The following OOSP3 variants were observed in gnomAD, a reference collection of about 807,000 sequenced individuals.
OOSP3 encodes the protein oocyte-secreted protein 3.
At chr11:59,883,071 C>T (rs1017415521) in intron 2 of OOSP3, among the ~76,000 whole-genome samples, 1 of 152,080 alleles carries the variant, frequency 6.6e-6, no homozygotes, top group African/African-American at 2.4e-5. Flanking sequence ...ATACCTAGGA[C>T]TGAAATTTCT....
intron 2 of OOSP3, among the ~76,000 whole-genome samples, chr11:59,886,040 T>C (rs1324238258): frequency 6.6e-6 from 1 of 152,132 alleles, no homozygotes. Flanking sequence ...CCTAATGCTC[T>C]ACTCCCCCAC....
At chr11:59,889,414 A>G (rs1022087507) in intron 2 of OOSP3, among the ~76,000 whole-genome samples, 3 of 151,966 alleles carry the variant, frequency 2.0e-5, no homozygotes, top group Admixed American at 2.0e-4. Flanking sequence ...AAATCTTTTC[A>G]GCTTTTTGAT....
chr11:59,879,937 C>A (rs981508048), intron 1 of OOSP3, among the ~76,000 whole-genome samples: 1 of 152,186 alleles, frequency 6.6e-6, no homozygotes, highest in Non-Finnish European at 1.5e-5. Flanking sequence ...GCCAGCACAC[C>A]AGCTTGAGGC....
intron 2 of OOSP3, among the ~76,000 whole-genome samples, chr11:59,881,271 A>AG: frequency 6.6e-6 from 1 of 151,962 alleles, no homozygotes; most frequent in East Asian, 1.9e-4. Flanking sequence ...AGGCTGAGGC[A>AG]GGAGAATTGC....
At chr11:59,884,967 G>C (rs1853239336) in intron 2 of OOSP3, among the ~76,000 whole-genome samples, 1 of 152,194 alleles carries the variant, frequency 6.6e-6, no homozygotes, top group South Asian at 2.1e-4. Flanking sequence ...TAAGGGAAAA[G>C]CTTTCAGTCT....
Position 59,894,566 on chromosome 11 carries a change from G to A in OOSP3, c.350+390G>A, listed in dbSNP as rs111543281. Among the ~76,000 whole-genome samples, 828 of 152,274 alleles carry A rather than the reference G, an allele frequency of 5.4e-3. 6 individuals are homozygous for A. Among genetic ancestry groups the A allele is most frequent in the African/African-American group, 0.018 (742 of 41,552 alleles). ...GATTTGACTTTGGAGCTCACTTGAGGGTCCTACTGAGGCTAGGACTCTGCC... is the reference window on the plus strand; with the variant it reads ...GATTTGACTTTGGAGCTCACTTGAGAGTCCTACTGAGGCTAGGACTCTGCC... On this transcript the variant is annotated intron_variant, in intron 3 of 4. Coordinates refer to ENST00000646438, the Ensembl canonical transcript of OOSP3.
chr11:59,880,154 C>T (rs1337663051), intron 1 of OOSP3, 107 bp from the exon 2 acceptor site: 3 of 395,924 alleles, frequency 7.6e-6, no homozygotes, highest in African/African-American at 4.1e-5. Context: ...GGCTGTTTTA[C>T]AGTGGTGTAT....
intron 2 of OOSP3, among the ~76,000 whole-genome samples, chr11:59,887,113 T>G (rs565485399): frequency 6.6e-6 from 1 of 151,838 alleles, no homozygotes; most frequent in Non-Finnish European, 1.5e-5. Context: ...TTTAATGGTT[T>G]TTTTTTTGTT....
chr11:59,892,417 T>C (rs1306183164), intron 2 of OOSP3, among the ~76,000 whole-genome samples: 2 of 152,114 alleles, frequency 1.3e-5, no homozygotes. Context: ...TCACTCCCCA[T>C]TTATTTCCAT....
intron 2 of OOSP3, among the ~76,000 whole-genome samples, chr11:59,887,813 GT>G (rs1053501680): frequency 5.9e-5 from 9 of 151,502 alleles, no homozygotes; most frequent in South Asian, 2.1e-4. Context: ...TTTTAAAATA[GT>G]TTTTTTTTCT....
chr11:59,895,145 A>C (rs1039446880), intron 3 of OOSP3, among the ~76,000 whole-genome samples: 1 of 152,104 alleles, frequency 6.6e-6, no homozygotes, highest in Non-Finnish European at 1.5e-5. Flanking sequence ...AATGCTGTTA[A>C]CCTTTTAGTA....
chr11:59,885,831 A>G (rs1472938468), intron 2 of OOSP3, among the ~76,000 whole-genome samples: 1 of 152,172 alleles, frequency 6.6e-6, no homozygotes, highest in Non-Finnish European at 1.5e-5. Context: ...ACATCATAGA[A>G]TGAGTTGAAT....
chr11:59,879,975 A>C (rs867899864), intron 1 of OOSP3, among the ~76,000 whole-genome samples: 6 of 152,218 alleles, frequency 3.9e-5, no homozygotes, highest in Admixed American at 6.5e-5. Flanking sequence ...AGCCCCATAC[A>C]GCAAAAGAAG....
chr11:59,887,897 G>A (rs1853277656), intron 2 of OOSP3, among the ~76,000 whole-genome samples: 1 of 152,060 alleles, frequency 6.6e-6, no homozygotes, highest in African/African-American at 2.4e-5. Context: ...GGGCAGTTTG[G>A]GCATTTTTAC....
At chr11:59,889,530 T>C (rs973833052) in intron 2 of OOSP3, among the ~76,000 whole-genome samples, 3 of 152,218 alleles carry the variant, frequency 2.0e-5, no homozygotes, top group Admixed American at 6.5e-5. Context: ...AAGAACTTGA[T>C]TTCTGCCTTA....
At chr11:59,883,880 G>C (rs1428872180) in intron 2 of OOSP3, among the ~76,000 whole-genome samples, 1 of 152,134 alleles carries the variant, frequency 6.6e-6, no homozygotes, top group Admixed American at 6.5e-5. Context: ...TGCAAACTTA[G>C]CTACTTTTAA....
At chr11:59,882,264 ATTT>A (rs200835564) in intron 2 of OOSP3, among the ~76,000 whole-genome samples, 3 of 149,740 alleles carry the variant, frequency 2.0e-5, no homozygotes, top group South Asian at 2.1e-4. Context: ...TCTTTTGAAG[ATTT>A]TTTTTTTTCC....
chr11:59,882,876 T>C (rs1461251076), intron 2 of OOSP3, among the ~76,000 whole-genome samples: 2 of 152,200 alleles, frequency 1.3e-5, no homozygotes, highest in African/African-American at 4.8e-5. Flanking sequence ...TCATATAAAT[T>C]CAATCATACA....
chr11:59,895,032 T>G lies in OOSP3; in HGVS notation c.351-470T>G, dbSNP rs115274879. ...GAATGGGCATAATTGTATTAAAATATTTTTTAAAAAGCAATAATTTAGATG... is the reference window on the plus strand; with the variant it reads ...GAATGGGCATAATTGTATTAAAATAGTTTTTAAAAAGCAATAATTTAGATG... On this transcript the variant is annotated intron_variant, in intron 3 of 4. Coordinates refer to ENST00000646438, the Ensembl canonical transcript of OOSP3. 7.9e-3 allele frequency among the ~76,000 whole-genome samples: 1,203 copies of G among 152,288 alleles called. 18 individuals carry two copies. The highest frequency in any genetic ancestry group is 0.027 in the African/African-American group (1,132 of 41,552).
Sources: gnomAD v4.1 joint callset for allele counts (sites outside exome capture counted in the v4.1 genomes callset) on GRCh38, gnomAD v4.1.1 for gene constraint, MANE v1.5 for transcripts, NCBI Gene and HGNC (gene_info 2026-07-23, HGNC 2026-07-21) for gene names.